Variants in STXBP4 observed in about 807,000 individuals in gnomAD.
STXBP4 encodes the protein syntaxin-binding protein 4.
STXBP4 carries 55 observed loss-of-function variants against 76.1 expected under a neutral mutation model. The observed-to-expected ratio is 0.72, with a 90% CI of 0.58 to 0.91. The LOEUF (loss-of-function observed/expected upper bound fraction) is 0.91. Among genes scored for constraint, STXBP4 ranks in the 40% least tolerant of loss-of-function variants. STXBP4 has a pLI of 0.00. For synonymous variants in STXBP4, 201 were observed against 220.2 expected, an observed-to-expected ratio of 0.91 and a Z score of 0.77; for missense variants, 618 against 636.9, an observed-to-expected ratio of 0.97 and a Z score of 0.32.
intron 7 of STXBP4, among the ~76,000 whole-genome samples, chr17:55,007,248 A>C (rs2078025283): frequency 6.6e-6 from 1 of 151,916 alleles, no homozygotes; most frequent in Non-Finnish European, 1.5e-5. Context: ...CTGAGGCAGG[A>C]GAATCACTTG....
At chr17:55,062,231 C>T (rs1172033100) in intron 12 of STXBP4, among the ~76,000 whole-genome samples, 1 of 152,054 alleles carries the variant, frequency 6.6e-6, no homozygotes, top group African/African-American at 2.4e-5. Flanking sequence ...TAATGCTATC[C>T]CTCCTCTCAC....
intron 12 of STXBP4, among the ~76,000 whole-genome samples, chr17:55,048,052 T>C (rs2078813035): frequency 6.6e-6 from 1 of 151,710 alleles, no homozygotes; most frequent in South Asian, 2.1e-4. Context: ...AATGCCAAAA[T>C]ACTGGCCGTA....
rs74995931 is a variant in STXBP4 at position 55,082,039 on chromosome 17, C to T, written c.1489+856C>T. Among the ~76,000 whole-genome samples, 1,149 of 152,126 alleles carry T rather than the reference C, an allele frequency of 7.6e-3. 19 individuals are homozygous for T. The highest frequency in any genetic ancestry group is 0.026 in the African/African-American group (1,086 of 41,486). On this transcript the variant is annotated intron_variant, in intron 16 of 17. Coordinates refer to ENST00000376352, the MANE Select transcript of STXBP4 (RefSeq NM_178509.6). The stretch of plus-strand genomic sequence containing the variant: ...TTCCTGCAATGAAAATTATAATTTA[C>T]CTAACTATACCTATAATTTATAAAA...
At chr17:54,999,218 TA>T in intron 4 of STXBP4, 126 bp from the exon 5 acceptor site, 1 of 678,070 alleles carries the variant, frequency 1.5e-6, no homozygotes, top group Non-Finnish European at 2.5e-6. Flanking sequence ...TGAGGTTGTC[TA>T]AGATTTTACT....
chr17:55,185,302 T>TCCTCCTC, the STXBP4 span, among the ~76,000 whole-genome samples: 4 of 78,660 alleles, frequency 5.1e-5, no homozygotes, highest in African/African-American at 2.1e-4. Context: ...TCCTTCTCCT[T>TCCTCCTC]CTCCTTCTCC....
At chr17:54,990,428 C>G (rs116352968) in intron 3 of STXBP4, among the ~76,000 whole-genome samples, 1 of 152,142 alleles carries the variant, frequency 6.6e-6, no homozygotes, top group Non-Finnish European at 1.5e-5. Context: ...ATCTAGCTTG[C>G]GTGCTCCTTT....
chr17:55,020,704 G>A (rs566993794), intron 8 of STXBP4, among the ~76,000 whole-genome samples: 10 of 152,244 alleles, frequency 6.6e-5, no homozygotes, highest in African/African-American at 2.4e-4. Context: ...TGTAATCCCA[G>A]CTACTTGGGA....
At chr17:55,088,078 A>G (rs1003154571) in intron 16 of STXBP4, among the ~76,000 whole-genome samples, 2 of 152,208 alleles carry the variant, frequency 1.3e-5, no homozygotes, top group Admixed American at 6.5e-5. Flanking sequence ...TTTTGCCAGT[A>G]CTTTTTATAA....
At chr17:55,117,611 C>A (rs965192209) in intron 16 of STXBP4, among the ~76,000 whole-genome samples, 31 of 139,838 alleles carry the variant, frequency 2.2e-4, no homozygotes, top group East Asian at 2.1e-4. Context: ...AAAAAAAAAA[C>A]AATAATTTCA....
chr17:55,011,508 C>CTTATTTTTTTTTTTTTTTTTTTT (rs2078109294), intron 8 of STXBP4, among the ~76,000 whole-genome samples: 1 of 85,926 alleles, frequency 1.2e-5, no homozygotes, highest in Admixed American at 1.6e-4. Context: ...TTTTCTTTTT[C>CTTATTTTTTTTTTTTTTTTTTTT]TTTTTTTTTT....
chr17:55,057,107 T>C (rs2078934519), intron 12 of STXBP4, among the ~76,000 whole-genome samples: 1 of 152,210 alleles, frequency 6.6e-6, no homozygotes, highest in Non-Finnish European at 1.5e-5. Context: ...TTCCTTGTAG[T>C]TTGTAGTTTA....
chr17:55,156,540 C>A (rs921429503), intron 17 of STXBP4, among the ~76,000 whole-genome samples: 2 of 152,176 alleles, frequency 1.3e-5, no homozygotes, highest in African/African-American at 4.8e-5. Context: ...TTGAATGTCT[C>A]CTCTCTGCCA....
chr17:55,033,829 G>T (rs1363450335), intron 9 of STXBP4, among the ~76,000 whole-genome samples: 1 of 152,072 alleles, frequency 6.6e-6, no homozygotes, highest in South Asian at 2.1e-4. Context: ...TCAAACCTCA[G>T]GTTCTTCCAG....
intron 1 of STXBP4, among the ~76,000 whole-genome samples, chr17:54,981,700 T>TA (rs11398923): frequency 0.28 from 42,542 of 151,802 alleles, 6,213 homozygotes; most frequent in African/African-American, 0.35. Flanking sequence ...AAAAGATTCA[T>TA]AAGTTAGCCA....
At chr17:54,993,193 A>C (rs1475306084) in intron 4 of STXBP4, among the ~76,000 whole-genome samples, 1 of 152,212 alleles carries the variant, frequency 6.6e-6, no homozygotes, top group Non-Finnish European at 1.5e-5. Flanking sequence ...ATTTTACTGA[A>C]GTATTAAAAG....
chr17:55,097,138 G>T lies in STXBP4; in HGVS notation c.1489+15955G>T, dbSNP rs551940671. On this transcript the variant is annotated intron_variant, in intron 16 of 17. Coordinates refer to ENST00000376352, the MANE Select transcript of STXBP4 (RefSeq NM_178509.6). ...CAATTAGTTCTTGGGACTACACAGTGCTATTTGTGTTTCTCATTTCTTTTA... is the reference window on the plus strand; with the variant it reads ...CAATTAGTTCTTGGGACTACACAGTTCTATTTGTGTTTCTCATTTCTTTTA... Among the ~76,000 whole-genome samples, 12 of 151,328 alleles carry T rather than the reference G, an allele frequency of 7.9e-5. No individual in the cohort carries two copies. The South Asian group carries it at 2.5e-3, about 32-fold the overall frequency.
chr17:55,052,885 TAAAA>T (rs57404823), intron 12 of STXBP4, among the ~76,000 whole-genome samples: 8 of 104,024 alleles, frequency 7.7e-5, no homozygotes, highest in Admixed American at 3.7e-4. Flanking sequence ...AAGTTTTGTT[TAAAA>T]AAAAAAAAAA....
chr17:55,125,136 G>A (rs1171131008), intron 16 of STXBP4, among the ~76,000 whole-genome samples: 2 of 152,068 alleles, frequency 1.3e-5, no homozygotes, highest in East Asian at 1.9e-4. Context: ...GAAAGTTAAC[G>A]TACAATTTAT....
intron 9 of STXBP4, among the ~76,000 whole-genome samples, chr17:55,032,685 G>C (rs2078530314): frequency 6.6e-6 from 1 of 152,160 alleles, no homozygotes. Context: ...AATTAAACCA[G>C]AGATCGTGGA....
Sources: allele counts gnomAD v4.1 joint callset (sites outside exome capture counted in the v4.1 genomes callset), GRCh38; gene constraint gnomAD v4.1.1; transcripts MANE v1.5; gene names NCBI Gene and HGNC (gene_info 2026-07-23, HGNC 2026-07-21).